ADAM18: variants seen among roughly 807,000 people sequenced by gnomAD.
ADAM18 encodes the protein disintegrin and metalloproteinase domain-containing protein 18.
A neutral mutation model predicts 94.4 loss-of-function variants in ADAM18; 117 were observed. That is an observed-to-expected ratio of 1.24 (90% CI 1.07 to 1.45). The LOEUF (loss-of-function observed/expected upper bound fraction) is 1.45. Among genes scored for constraint, ADAM18 ranks in the 40% most tolerant of loss-of-function variants. The pLI, the probability that ADAM18 is intolerant of heterozygous loss-of-function variation, is 0.00. For missense variants in ADAM18, 936 were observed against 880.0 expected, an observed-to-expected ratio of 1.06 and a Z score of -0.81; for synonymous variants, 327 against 291.6, an observed-to-expected ratio of 1.12 and a Z score of -1.24.
rs963942783 is a variant in ADAM18 at position 39,645,261 on chromosome 8, A to G, written c.910-77A>G. The G allele has an allele frequency of 1.1e-5, 14 of 1,251,626 alleles. No individual in the cohort carries two copies. In the African/African-American group the frequency reaches 2.0e-4, roughly 18 times the overall value. 77.5% of individuals were successfully genotyped at this position (1,251,626 alleles called of 1,614,324 possible). A position where few individuals can be genotyped will look rare whatever the true frequency, so the allele number is the denominator to read the frequency against. ...AAGAAGTATTAAAATAGAAAATATG[A>G]TAGGAGTAAAAATATTTCAAGTTAT... On this transcript the variant is annotated intron_variant, in intron 10 of 19. Transcript: ENST00000265707.
Position 39,605,780 on chromosome 8 carries a change from A to G in ADAM18, c.133-527A>G, listed in dbSNP as rs1040057573. 3.1e-5 allele frequency: 6 copies of G among 192,094 alleles called. 1 individual carries two copies. The highest frequency in any genetic ancestry group is 2.2e-3 in the Middle Eastern group (1 of 462). 11.9% of individuals were successfully genotyped at this position (192,094 alleles called of 1,614,324 possible). A position where few individuals can be genotyped will look rare whatever the true frequency, so the allele number is the denominator to read the frequency against. ...TACATGAGTAAGTTCTTTAGTGGTG[A>G]TTTGTGAGATTTTGTTGCACCCATC... is the stretch of plus-strand genomic sequence containing the variant. On this transcript the variant is annotated intron_variant, in intron 2 of 19. Coordinates refer to ENST00000265707, the MANE Select transcript of ADAM18 (RefSeq NM_014237.3).
intron 17 of ADAM18, among the ~76,000 whole-genome samples, chr8:39,701,097 G>A (rs1400901050): frequency 3.4e-4 from 27 of 79,886 alleles, no homozygotes; most frequent in Admixed American, 6.7e-4. Flanking sequence ...CAGCCTGGGC[G>A]ACAGAGCAAG....
intron 13 of ADAM18, among the ~76,000 whole-genome samples, chr8:39,667,134 G>A (rs995508704): frequency 4.6e-5 from 7 of 151,988 alleles, no homozygotes; most frequent in African/African-American, 1.7e-4. Flanking sequence ...TGGCGCGGTG[G>A]CTCATGCCTG....
At chr8:39,721,995 A>G (rs1822763318) in intron 18 of ADAM18, among the ~76,000 whole-genome samples, 1 of 151,066 alleles carries the variant, frequency 6.6e-6, no homozygotes, top group South Asian at 2.1e-4. Flanking sequence ...CTAAGTGTCC[A>G]TCAGTGGAGG....
chr8:39,593,513 A>T (rs1818641002), intron 2 of ADAM18, among the ~76,000 whole-genome samples: 1 of 152,162 alleles, frequency 6.6e-6, no homozygotes, highest in African/African-American at 2.4e-5. Context: ...TAATATTCAA[A>T]ACAGTATGGT....
At chr8:39,681,663 T>C (rs972917119) in intron 16 of ADAM18, among the ~76,000 whole-genome samples, 1 of 152,114 alleles carries the variant, frequency 6.6e-6, no homozygotes, top group Non-Finnish European at 1.5e-5. Context: ...AAGACCAAGA[T>C]ACAGAAAGCT....
At chr8:39,624,899 T>A (rs1459935204) in intron 6 of ADAM18, among the ~76,000 whole-genome samples, 1 of 152,238 alleles carries the variant, frequency 6.6e-6, no homozygotes. Context: ...CCAGAAGCTG[T>A]CATGCTTCCT....
At chr8:39,592,588 G>A (rs1490471462) in intron 2 of ADAM18, among the ~76,000 whole-genome samples, 1 of 152,112 alleles carries the variant, frequency 6.6e-6, no homozygotes, top group Non-Finnish European at 1.5e-5. Context: ...TAACCCAGAA[G>A]TAAAAAAATA....
chr8:39,722,335 A>C (rs563562272), intron 18 of ADAM18, among the ~76,000 whole-genome samples: 2 of 149,366 alleles, frequency 1.3e-5, no homozygotes, highest in Non-Finnish European at 3.0e-5. Context: ...ATCATGGAAT[A>C]CTACTGAGCC....
intron 7 of ADAM18, among the ~76,000 whole-genome samples, chr8:39,636,113 G>A (rs1309701847): frequency 1.3e-5 from 2 of 151,094 alleles, no homozygotes; most frequent in Admixed American, 6.6e-5. Context: ...CGAACTTCTG[G>A]CCTCAACCAA....
At chr8:39,712,332 T>A (rs192525269) in intron 18 of ADAM18, among the ~76,000 whole-genome samples, 15 of 152,184 alleles carry the variant, frequency 9.9e-5, no homozygotes, top group African/African-American at 3.6e-4. Flanking sequence ...CCACAGCCAA[T>A]ATCATACCAA....
At chr8:39,611,324 T>C in intron 6 of ADAM18, 1 of 611,232 alleles carries the variant, frequency 1.6e-6, no homozygotes, top group Non-Finnish European at 2.0e-6. Context: ...CATGTTTCTA[T>C]GAATGGATCT....
intron 18 of ADAM18, among the ~76,000 whole-genome samples, chr8:39,716,942 CTT>C (rs1416149883): frequency 1.3e-5 from 2 of 151,836 alleles, no homozygotes; most frequent in Non-Finnish European, 2.9e-5. Flanking sequence ...AACATAAAGA[CTT>C]TGTCTACTGT....
intron 17 of ADAM18, among the ~76,000 whole-genome samples, chr8:39,698,252 C>G (rs1251037025): frequency 2.0e-5 from 3 of 151,742 alleles, no homozygotes; most frequent in African/African-American, 7.3e-5. Context: ...ATTATTTTTC[C>G]ATTTTTAAAT....
intron 14 of ADAM18, among the ~76,000 whole-genome samples, chr8:39,670,166 G>GT (rs915299132): frequency 2.0e-5 from 3 of 151,934 alleles, no homozygotes; most frequent in Non-Finnish European, 2.9e-5. Context: ...GGGGTTGTTT[G>GT]TTTTTTTCTT....
intron 6 of ADAM18, among the ~76,000 whole-genome samples, chr8:39,621,530 G>T (rs1049472717): frequency 2.0e-5 from 3 of 151,338 alleles, no homozygotes; most frequent in African/African-American, 7.3e-5. Flanking sequence ...TAATAATTTT[G>T]GAAGTTAATT....
chr8:39,696,156 A>G (rs1418298897), intron 17 of ADAM18, among the ~76,000 whole-genome samples: 5 of 151,410 alleles, frequency 3.3e-5, no homozygotes, highest in Admixed American at 6.6e-5. Context: ...AGCAAAGTTG[A>G]GCTTTATTTC....
At chr8:39,672,014 A>G (rs1228677437) in intron 14 of ADAM18, among the ~76,000 whole-genome samples, 1 of 152,138 alleles carries the variant, frequency 6.6e-6, no homozygotes, top group Non-Finnish European at 1.5e-5. Context: ...ACATACTGGC[A>G]TGGATCCTAG....
At chr8:39,686,997 T>C (rs1370578484) in intron 16 of ADAM18, among the ~76,000 whole-genome samples, 1 of 152,174 alleles carries the variant, frequency 6.6e-6, no homozygotes, top group Non-Finnish European at 1.5e-5. Flanking sequence ...TAAAATAGAT[T>C]CCTATTTTTT....
Sources: gnomAD v4.1 joint callset for allele counts (sites outside exome capture counted in the v4.1 genomes callset) on GRCh38, gnomAD v4.1.1 for gene constraint, MANE v1.5 for transcripts, NCBI Gene and HGNC (gene_info 2026-07-23, HGNC 2026-07-21) for gene names.